SYT8: variants seen among roughly 807,000 people sequenced by gnomAD.
SYT8 encodes the protein synaptotagmin-8.
A neutral mutation model predicts 34.9 loss-of-function variants in SYT8; 50 were observed. That is an observed-to-expected ratio of 1.43 (90% CI 1.14 to 1.81). The LOEUF (loss-of-function observed/expected upper bound fraction) is 1.81. Among genes scored for constraint, SYT8 ranks in the 40% most tolerant of loss-of-function variants. The pLI, the probability that SYT8 is intolerant of heterozygous loss-of-function variation, is 0.00. For missense variants in SYT8, 595 were observed against 529.0 expected, an observed-to-expected ratio of 1.12 and a Z score of -1.22; for synonymous variants, 255 against 234.2, an observed-to-expected ratio of 1.09 and a Z score of -0.81.
Position 1,836,682 on chromosome 11 carries a change from G to C in SYT8, c.685-74G>C, listed in dbSNP as rs1050199345. 14 of 1,591,814 alleles carry C rather than the reference G, an allele frequency of 8.8e-6. No individual in the cohort carries two copies. The Middle Eastern group carries it at 1.0e-3, about 119-fold the overall frequency. ...ATCGGAAAGACAGGCCTGATGGGCA[G>C]CATTTTCGGGGGTCTGAGCCCCAAC... On this transcript the variant is annotated intron_variant, in intron 5 of 7. Transcript: ENST00000341958.
At position 1,835,327 on chromosome 11, in the gene SYT8, T is replaced by A. The variant is rs534154645; in HGVS notation, c.126T>A (p.Leu42=). 77 of 1,600,180 alleles carry A rather than the reference T, an allele frequency of 4.8e-5. 1 individual carries two copies. The South Asian group carries it at 6.5e-4, about 14-fold the overall frequency. The change falls in exon 2 of 8, where the codon CTT becomes CTA. Residue 42 remains leucine (L), a synonymous_variant. Transcript: ENST00000341958. ...GCTGGGCTCTCATTGCCGGCGCCCT[T>A]GCCGCGGGCGTCCTCCTCGTCTCCT... is the stretch of plus-strand genomic sequence containing the variant. ...WPRWALIAGA[L]AAGVLLVSCL... is the part of the protein sequence containing the mutation.
chr11:1,836,714 A>G (rs1463184668), intron 5 of SYT8, 42 bp from the exon 6 acceptor site: 3 of 1,600,300 alleles, frequency 1.9e-6, no homozygotes, highest in Non-Finnish European at 1.7e-6. Flanking sequence ...CAACTCGGCC[A>G]GAATCACCCT....
Position 1,836,187 on chromosome 11 carries a change from C to A in SYT8, c.419C>A (p.Ala140Asp). 6.4e-7 allele frequency: 1 copy of A among 1,574,430 alleles called. No individual in the cohort carries two copies. The highest frequency in any genetic ancestry group is 8.6e-7 in the Non-Finnish European group (1 of 1,162,044). The change falls in exon 4 of 8, where the codon GCC becomes GAC. Residue 140 changes from alanine (A) to aspartate (D), a missense_variant. Coordinates refer to ENST00000341958, the MANE Select transcript of SYT8 (RefSeq NM_001394072.1). ...LRPGGTVDPY[A>D]RVSVSTQAGH... is the part of the protein sequence containing the mutation. The stretch of plus-strand genomic sequence containing the variant: ...CCTGGGGGCACCGTGGACCCCTATG[C>A]CCGGGTCAGCGTCTCCACCCAGGCC...
chr11:1,834,595 A>G (rs761087417), upstream of SYT8: 6 of 1,588,508 alleles, frequency 3.8e-6, no homozygotes, highest in Non-Finnish European at 5.1e-6. This position sits in a 1 kb window ranked among gnomAD's most constrained non-coding sequence, Gnocchi z 4.5. Context: ...ATGGCTGGCA[A>G]ACCATGGTGG....
At position 1,835,905 on chromosome 11, in the gene SYT8, G is replaced by A. The variant is rs1265007029; in HGVS notation, c.278G>A (p.Gly93Asp). The A allele has an allele frequency of 1.2e-6, 2 of 1,611,674 alleles. No homozygotes were observed. Among genetic ancestry groups the A allele is most frequent in the Non-Finnish European group, 1.7e-6 (2 of 1,179,396 alleles). Residue 93 changes from glycine to aspartate, a missense_variant, in exon 3 of 8, where the codon GGC (glycine) becomes GAC (aspartate). Transcript: ENST00000341958. ...TTHLVQPDVD[G>D]LESSPGDAQQ... is the part of the protein sequence containing the mutation. ...CTCCAGGTGCAACCTGATGTGGATGGCCTGGAGTCCAGCCCGGGGGATGCT... is the reference window on the plus strand; with the variant it reads ...CTCCAGGTGCAACCTGATGTGGATGACCTGGAGTCCAGCCCGGGGGATGCT...
In SYT8 at chr11:1,835,182, T is replaced by C. The variant is rs2133014466; in HGVS notation, c.77T>C (p.Leu26Pro). 1.2e-6 allele frequency: 2 copies of C among 1,613,206 alleles called. No individual in the cohort carries two copies. The highest frequency in any genetic ancestry group is 2.2e-5 in the South Asian group (2 of 91,074). The change falls in exon 1 of 8, where the codon CTT becomes CCT. Residue 26 changes from leucine to proline, a missense_variant. Transcript: ENST00000341958. ...TTAIPGLIPDLVAGTPWPRWA... is the reference protein window; with the variant it reads ...TTAIPGLIPDPVAGTPWPRWA... Reference sequence around the variant, plus strand: ...GCTATACCTGGGCTTATTCCAGACCTTGTCGCCGGGACCCCCTGTGAGTTG... The same window carrying C: ...GCTATACCTGGGCTTATTCCAGACCCTGTCGCCGGGACCCCCTGTGAGTTG...
upstream of SYT8, chr11:1,834,296 C>G (rs1286292527): frequency 1.8e-6 from 1 of 543,492 alleles, no homozygotes. The surrounding 1 kb of genome is among the most constrained non-coding windows in gnomAD (Gnocchi z 4.5). Flanking sequence ...TCCTTCCCAC[C>G]CACATGCCGA....
intron 6 of SYT8, 41 bp from the exon 7 acceptor site, chr11:1,836,916 C>G: frequency 6.2e-7 from 1 of 1,612,914 alleles, no homozygotes; most frequent in Non-Finnish European, 8.5e-7. Flanking sequence ...GTGCTCAGCC[C>G]CGAGCCCTGG....
chr11:1,833,550 C>T (rs1327296432), upstream of SYT8, among the ~76,000 whole-genome samples: 1 of 152,226 alleles, frequency 6.6e-6, no homozygotes, highest in Non-Finnish European at 1.5e-5. Flanking sequence ...CCCCTGTGTT[C>T]TGGGGACAGG....
rs1351660139 is a variant in SYT8 at position 1,835,410 on chromosome 11, A to G, written c.209A>G (p.Lys70Arg). ...CRRHRKKPRD[K>R]ESVGLGSARG... Reference sequence around the variant, plus strand: ...CGCCACAGGAAGAAGCCCAGGGACAAGGAGTCCGTGGGTCTGGGCAGTGCC... The same window carrying G: ...CGCCACAGGAAGAAGCCCAGGGACAGGGAGTCCGTGGGTCTGGGCAGTGCC... The change falls in exon 2 of 8, where the codon AAG (lysine) becomes AGG (arginine). Residue 70 changes from lysine (K) to arginine (R), a missense_variant. By Grantham distance (26) the Lys-to-Arg change is conservative. Transcript: ENST00000341958. 6.2e-7 allele frequency: 1 copy of G among 1,609,742 alleles called. No homozygotes were observed. Among genetic ancestry groups the G allele is most frequent in the Non-Finnish European group, 8.5e-7 (1 of 1,179,522 alleles).
Position 1,835,002 on chromosome 11 carries a change from G to A in SYT8, c.-104G>A. ...TCCTTGCCCTGGCAGACCCAGCACT[G>A]GCTGCTGCTAGTCAGATGGGGTAGC... On this transcript the variant is annotated 5_prime_UTR_variant, in exon 1 of 8. Transcript: ENST00000341958. The A allele has an allele frequency of 8.1e-7, 1 of 1,227,418 alleles. No homozygotes were observed. Among genetic ancestry groups the A allele is most frequent in the Non-Finnish European group, 1.2e-6 (1 of 852,908 alleles). 76.0% of individuals were successfully genotyped at this position (1,227,418 alleles called of 1,614,324 possible).
At chr11:1,835,482 C>T (rs1212328581) in intron 2 of SYT8, 23 bp downstream of exon 2, 3 of 1,607,154 alleles carry the variant, frequency 1.9e-6, no homozygotes, top group Non-Finnish European at 2.5e-6. Context: ...TCCTTGCTCA[C>T]TCAGTCCAGA....
Position 1,835,138 on chromosome 11 carries a change from G to A in SYT8, c.33G>A (p.Pro11=), listed in dbSNP as rs144962181. ...ACCCACCAGTCTCTCCCAGTGCCCCGGCCCCAGCTGGCACCACAGCTATAC... is the reference window on the plus strand; with the variant it reads ...ACCCACCAGTCTCTCCCAGTGCCCCAGCCCCAGCTGGCACCACAGCTATAC... MGHPPVSPSA[P]APAGTTAIPG... Residue 11 remains proline, a synonymous_variant, in exon 1 of 8, where the codon CCG becomes CCA. Transcript: ENST00000341958. 2.9e-5 allele frequency: 47 copies of A among 1,613,298 alleles called. No individual in the cohort carries two copies. The African/African-American group carries it at 3.1e-4, about 11-fold the overall frequency.
At chr11:1,835,559 A>AC (rs1267052239) in intron 2 of SYT8, 100 bp downstream of exon 2, 2 of 1,400,124 alleles carry the variant, frequency 1.4e-6, no homozygotes, top group African/African-American at 2.8e-5. Context: ...GGATGGTTTA[A>AC]CCCCCACAGA....
chr11:1,834,332 G>A (rs911526732), upstream of SYT8: 18 of 544,254 alleles, frequency 3.3e-5, no homozygotes, highest in East Asian at 6.9e-5. This position sits in a 1 kb window ranked among gnomAD's most constrained non-coding sequence, Gnocchi z 4.5. Flanking sequence ...GCAGGTGGAC[G>A]AGTCCAGGCA....
intron 2 of SYT8, 84 bp downstream of exon 2, chr11:1,835,543 C>A: frequency 6.6e-7 from 1 of 1,508,294 alleles, no homozygotes; most frequent in Non-Finnish European, 9.0e-7. Flanking sequence ...GCGAGTTCAG[C>A]CCCAGGGATG....
upstream of SYT8, chr11:1,834,675 G>C: frequency 1.4e-6 from 2 of 1,478,546 alleles, no homozygotes; most frequent in Non-Finnish European, 1.9e-6. This position sits in a 1 kb window ranked among gnomAD's most constrained non-coding sequence, Gnocchi z 4.5. Flanking sequence ...GACCCCCAGG[G>C]ATGAGATGGG....
At position 1,837,369 on chromosome 11, in the gene SYT8, G is replaced by A. The variant is rs1847011702; in HGVS notation, c.1102G>A (p.Val368Met). ...QRHPLRPARE[V>M]DRMLALQPRL... ...GCACCCCCTGCGGCCAGCCAGGGAGGTGGACCGCATGCTGGCCCTGCAGCC... is the reference window on the plus strand; with the variant it reads ...GCACCCCCTGCGGCCAGCCAGGGAGATGGACCGCATGCTGGCCCTGCAGCC... The change falls in exon 8 of 8, where the codon GTG (valine) becomes ATG (methionine). Residue 368 changes from valine to methionine, a missense_variant. Physicochemically the swap from Val to Met is conservative, Grantham distance 21. Transcript: ENST00000341958. 1 of 1,598,734 alleles carries A rather than the reference G, an allele frequency of 6.3e-7. No individual in the cohort carries two copies.
Position 1,836,568 on chromosome 11 carries a change from G to T in SYT8, c.660G>T (p.Leu220=). 1 of 1,611,630 alleles carries T rather than the reference G, an allele frequency of 6.2e-7. No individual in the cohort carries two copies. The highest frequency in any genetic ancestry group is 8.5e-7 in the Non-Finnish European group (1 of 1,179,462). The change falls in exon 5 of 8, where the codon CTG becomes CTT. Residue 220 remains leucine (L), a synonymous_variant. Transcript: ENST00000341958. ...DLQHVLEHWY[L]LGPPAATQPE... ...AGCATGTTCTGGAGCACTGGTACCT[G>T]CTGGGCCCGCCGGCTGCCACTCAGG...
Sources: allele counts gnomAD v4.1 joint callset (sites outside exome capture counted in the v4.1 genomes callset), GRCh38; gene constraint gnomAD v4.1.1; non-coding constraint Gnocchi (gnomAD v3.1); transcripts MANE v1.5; gene names NCBI Gene and HGNC (gene_info 2026-07-23, HGNC 2026-07-21).